Variants in NRXN2 observed in about 807,000 individuals in gnomAD.
NRXN2 encodes the protein neurexin-2-beta.
NRXN2 carries 29 observed loss-of-function variants against 128.8 expected under a neutral mutation model. The observed-to-expected ratio is 0.23, with a 90% CI of 0.17 to 0.31. NRXN2 has a LOEUF of 0.31. NRXN2 is among the 10% of genes least tolerant of loss of function. The pLI is 1.00. For synonymous variants in NRXN2, 1,098 were observed against 1,075.2 expected (o/e 1.02, Z -0.41); for missense variants, 1,881 against 2,452.6 (o/e 0.77, Z 4.92).
intron 18 of NRXN2, among the ~76,000 whole-genome samples, chr11:64,633,768 C>T (rs2044283573): frequency 6.6e-6 from 1 of 152,160 alleles, no homozygotes; most frequent in African/African-American, 2.4e-5. Context: ...CCCACACTGT[C>T]GTCTACAGCC....
chr11:64,705,016 G>A (rs1309580248), intron 2 of NRXN2, among the ~76,000 whole-genome samples: 2 of 152,158 alleles, frequency 1.3e-5, no homozygotes, highest in East Asian at 1.9e-4. Flanking sequence ...CCTCTCCAAG[G>A]ACTTGGAAAA....
chr11:64,636,117 G>A (rs1337578089), intron 17 of NRXN2, among the ~76,000 whole-genome samples: 4 of 151,452 alleles, frequency 2.6e-5, no homozygotes, highest in Non-Finnish European at 5.9e-5. Flanking sequence ...GGGTGGGGGA[G>A]GGGGGAGAGG....
chr11:64,682,157 C>T (rs530447288), intron 6 of NRXN2, among the ~76,000 whole-genome samples: 1 of 150,724 alleles, frequency 6.6e-6, no homozygotes, highest in African/African-American at 2.4e-5. Context: ...GGTATTCCAT[C>T]CTTGGGGACT....
At chr11:64,642,471 C>A in intron 17 of NRXN2, 2 of 1,530,290 alleles carry the variant, frequency 1.3e-6, no homozygotes, top group Non-Finnish European at 1.7e-6. Flanking sequence ...GGGGGCCCAG[C>A]TGCGCACACG....
At chr11:64,694,838 T>A (rs2054280496) in intron 3 of NRXN2, among the ~76,000 whole-genome samples, 1 of 152,176 alleles carries the variant, frequency 6.6e-6, no homozygotes, top group East Asian at 1.9e-4. Flanking sequence ...CCCTTGAGAA[T>A]CCAGGTCTCT....
At chr11:64,719,007 T>C (rs1004780157) in intron 1 of NRXN2, among the ~76,000 whole-genome samples, 6 of 152,236 alleles carry the variant, frequency 3.9e-5, no homozygotes, top group African/African-American at 1.4e-4. Context: ...TGTGCTTCAC[T>C]TTCTTTATGT....
chr11:64,664,776 G>C (rs957372264), intron 9 of NRXN2, among the ~76,000 whole-genome samples: 12 of 152,012 alleles, frequency 7.9e-5, no homozygotes, highest in African/African-American at 2.9e-4. Flanking sequence ...TGAATCACAA[G>C]GTCAGGAGTT....
At chr11:64,703,168 CTG>C (rs1592235128) in intron 2 of NRXN2, among the ~76,000 whole-genome samples, 1 of 152,208 alleles carries the variant, frequency 6.6e-6, no homozygotes, top group East Asian at 1.9e-4. Context: ...CCTGACTTGA[CTG>C]TGAAATATCC....
chr11:64,698,147 A>G (rs2054818401), intron 2 of NRXN2, among the ~76,000 whole-genome samples: 1 of 152,178 alleles, frequency 6.6e-6, no homozygotes, highest in East Asian at 1.9e-4. Flanking sequence ...AGGCTTCTCA[A>G]CTTCCCCAGA....
chr11:64,694,309 A>C (rs1216557760), intron 3 of NRXN2, among the ~76,000 whole-genome samples: 1 of 152,216 alleles, frequency 6.6e-6, no homozygotes, highest in African/African-American at 2.4e-5. Flanking sequence ...ATGAGATGTG[A>C]ACCCTAGGGA....
rs1317211901 is a variant in NRXN2, at chr11:64,667,547, C to T, written c.1501G>A (p.Glu501Lys). Residue 501 changes from glutamate (E) to lysine (K), a missense_variant, in exon 9 of 23, where the codon GAG becomes AAG. Physicochemically the swap from Glu to Lys is moderately conservative, Grantham distance 56. This residue lies in a region of NRXN2 where 997 missense variants were observed against 1,240.8 expected (regional missense o/e 0.80). Transcript: ENST00000265459. The surrounding 1 kb of genome is among the most constrained non-coding windows in gnomAD (Gnocchi z 5.6). ...ALDPVTFESP[E>K]AFVALPRWSA... ...CAGCGGGGCAGCGCCACAAAGGCCT[C>T]GGGACTCTCAAAGGTCACAGGGTCC... 7 of 1,614,024 alleles carry T rather than the reference C, an allele frequency of 4.3e-6. No individual in the cohort carries two copies. The highest frequency in any genetic ancestry group is 2.2e-5 in the East Asian group (1 of 44,896).
intron 21 of NRXN2, among the ~76,000 whole-genome samples, chr11:64,620,936 T>G (rs990524797): frequency 1.3e-5 from 2 of 151,640 alleles, no homozygotes; most frequent in African/African-American, 2.4e-5. Flanking sequence ...GCATTTTCTC[T>G]CTTACTTATT....
At chr11:64,673,246 G>A (rs919098923) in intron 7 of NRXN2, among the ~76,000 whole-genome samples, 5 of 152,144 alleles carry the variant, frequency 3.3e-5, no homozygotes, top group African/African-American at 9.7e-5. Flanking sequence ...TGTGTACAAA[G>A]AACTATCATT....
At chr11:64,721,850 C>T (rs942917231) in intron 1 of NRXN2, among the ~76,000 whole-genome samples, 13 of 152,030 alleles carry the variant, frequency 8.6e-5, no homozygotes, top group African/African-American at 3.1e-4. Context: ...GACTGGGGAC[C>T]CAAGACCCAC....
At chr11:64,716,541 G>C (rs908093423) in intron 1 of NRXN2, among the ~76,000 whole-genome samples, 2 of 152,204 alleles carry the variant, frequency 1.3e-5, no homozygotes, top group African/African-American at 2.4e-5. Context: ...CTACTGGTCC[G>C]TGTGGAGGGA....
At chr11:64,613,018 G>T (rs2040913661) in intron 22 of NRXN2, among the ~76,000 whole-genome samples, 1 of 152,240 alleles carries the variant, frequency 6.6e-6, no homozygotes, top group Non-Finnish European at 1.5e-5. Flanking sequence ...CGAGCAGAGA[G>T]CAACCTGTGC....
In NRXN2 at chr11:64,651,717, A is replaced by T; in HGVS notation, c.2537-81T>A. 3.4e-6 allele frequency: 5 copies of T among 1,463,588 alleles called. No homozygotes were observed. The highest frequency in any genetic ancestry group is 1.4e-5 in the African/African-American group (1 of 72,280). 90.7% of individuals were successfully genotyped at this position (1,463,588 alleles called of 1,614,324 possible). A position where few individuals can be genotyped will look rare whatever the true frequency, so the allele number is the denominator to read the frequency against. ...TTGGGTTCCCAGGAGCCTCCCCTCC[A>T]CAGGAGGGCCACCCATGAGTGACAT... On this transcript the variant is annotated intron_variant, in intron 13 of 22. Coordinates refer to ENST00000265459, the MANE Select transcript of NRXN2 (RefSeq NM_015080.4). This position sits in a 1 kb window ranked among gnomAD's most constrained non-coding sequence, Gnocchi z 5.9.
At position 64,713,418 on chromosome 11, in the gene NRXN2, C is replaced by A. The variant is rs1195034996; in HGVS notation, c.282G>T (p.Ser94=). The change falls in exon 2 of 23, where the codon TCG becomes TCT. Residue 94 remains serine, a synonymous_variant. Transcript: ENST00000265459. The part of the protein sequence containing the change: ...DGRLRLRFTL[S]CAEPATLQLD... The stretch of plus-strand genomic sequence containing the variant: ...GCTGCAGCGTGGCCGGCTCGGCGCA[C>A]GAAAGCGTGAAGCGCAGCCGCAGGC... The A allele has an allele frequency of 1.3e-6, 2 of 1,498,728 alleles. No homozygotes were observed. The highest frequency in any genetic ancestry group is 4.2e-5 in the Admixed American group (2 of 47,142). 92.8% of individuals were successfully genotyped at this position (1,498,728 alleles called of 1,614,324 possible).
At chr11:64,668,891 C>T (rs559334573) in intron 7 of NRXN2, among the ~76,000 whole-genome samples, 59 of 152,280 alleles carry the variant, frequency 3.9e-4, no homozygotes, top group Admixed American at 1.2e-3. Flanking sequence ...TGAGGTCCCC[C>T]AAGAAGTAGT....
Sources: gnomAD v4.1 joint callset for allele counts (sites outside exome capture counted in the v4.1 genomes callset) on GRCh38, gnomAD v4.1.1 for gene constraint, gnomAD v4.1.1 regional missense constraint, Gnocchi (gnomAD v3.1) non-coding constraint, MANE v1.5 for transcripts, NCBI Gene and HGNC (gene_info 2026-07-23, HGNC 2026-07-21) for gene names.